TRPM1: variants seen among roughly 807,000 people sequenced by gnomAD.
TRPM1 encodes transient receptor potential cation channel subfamily M member 1, also known as TRPM1-203 APA Isoform, Intron 10.
Under a neutral mutation model 149.4 loss-of-function variants are expected in TRPM1, and 113 were observed. The ratio of observed to expected loss-of-function variants is 0.76; its 90% CI spans 0.65 to 0.88. TRPM1 has a LOEUF of 0.88. Among genes scored for constraint, TRPM1 ranks in the 40% least tolerant of loss-of-function variants. The pLI is 0.00. For synonymous variants in TRPM1, 741 were observed against 759.5 expected (o/e 0.98, Z 0.40); for missense variants, 1,976 against 2,038.7 (o/e 0.97, Z 0.59).
chr15:31,113,751 C>T (rs1250374446), intron 1 of TRPM1, among the ~76,000 whole-genome samples: 2 of 152,166 alleles, frequency 1.3e-5, no homozygotes, highest in African/African-American at 4.8e-5. Context: ...ATGAAGCATG[C>T]GGACCTTCCC....
intron 1 of TRPM1, among the ~76,000 whole-genome samples, chr15:31,149,797 G>T (rs909999757): frequency 6.6e-6 from 1 of 152,214 alleles, no homozygotes; most frequent in East Asian, 1.9e-4. Flanking sequence ...GGGATTACAG[G>T]CGTGAGCCAC....
intron 1 of TRPM1, among the ~76,000 whole-genome samples, chr15:31,125,044 G>A (rs757482024): frequency 1.4e-4 from 22 of 152,060 alleles, no homozygotes; most frequent in Non-Finnish European, 2.6e-4. Context: ...GTGTGGTGGC[G>A]CATGCCTGTA....
intron 22 of TRPM1, 73 bp from the exon 23 acceptor site, chr15:31,031,230 T>C: frequency 6.5e-7 from 1 of 1,540,714 alleles, no homozygotes; most frequent in South Asian, 1.1e-5. Flanking sequence ...ATTATATTGC[T>C]GTCTCCAATT....
Position 31,027,069 on chromosome 15 carries a change from G to C in TRPM1, c.3342C>G (p.Phe1114Leu), listed in dbSNP as rs758942153. 1 of 1,614,164 alleles carries C rather than the reference G, an allele frequency of 6.2e-7. No homozygotes were observed. ...VKSISNQVWK[F>L]QRYQLIMTFH... ...ATGTCATAATCAGCTGATATCGCTG[G>C]AACTTCCACACCTGGTTGGATATTG... is the stretch of plus-strand genomic sequence containing the variant. The change falls in exon 26 of 28, where the codon TTC becomes TTG. Residue 1114 changes from phenylalanine to leucine, a missense_variant. Coordinates refer to ENST00000256552, the MANE Select transcript of TRPM1 (RefSeq NM_001252024.2).
intron 1 of TRPM1, among the ~76,000 whole-genome samples, chr15:31,088,803 G>GGC (rs974269553): frequency 1.1e-4 from 14 of 129,126 alleles, no homozygotes; most frequent in Non-Finnish European, 1.7e-4. Context: ...TCTTTCTGCT[G>GGC]GGGGGATGCG....
Position 31,002,326 on chromosome 15 carries a change from C to G in TRPM1, c.4374G>C (p.Lys1458Asn). 2 of 1,614,216 alleles carry G rather than the reference C, an allele frequency of 1.2e-6. No individual in the cohort carries two copies. The highest frequency in any genetic ancestry group is 1.1e-5 in the South Asian group (1 of 91,088). ...DETINACKTM[K>N]SRSFVYSRGR... ...CCCGGGAATAGACGAAGCTTCTGGA[C>G]TTCATTGTTTTACAAGCATTGATCG... Residue 1458 changes from lysine to asparagine, a missense_variant, in exon 28 of 28, where the codon AAG becomes AAC. Around this residue, in one of 3 missense-constraint regions of TRPM1, gnomAD observed 572 missense variants for 578.9 expected, o/e 0.99. Coordinates refer to ENST00000256552, the MANE Select transcript of TRPM1 (RefSeq NM_001252024.2).
chr15:31,058,802 C>T (rs929421680), intron 11 of TRPM1, among the ~76,000 whole-genome samples: 1 of 152,198 alleles, frequency 6.6e-6, no homozygotes, highest in African/African-American at 2.4e-5. Context: ...TTAAGCAGGG[C>T]TGGGTGCAGT....
rs551831382 is a variant in TRPM1 at position 31,062,507 on chromosome 15, A to G, written c.1089+72T>C. On this transcript the variant is annotated intron_variant, in intron 9 of 27. Transcript: ENST00000256552. ...ATATGAATAACCCTGTCATGCACAC[A>G]TGGGCGGAATTAGAAAAGGAAACAT... 2.5e-6 allele frequency: 4 copies of G among 1,590,366 alleles called. No homozygotes were observed. The South Asian group carries it at 4.4e-5, about 18-fold the overall frequency.
chr15:31,124,183 G>A (rs1281079321), intron 1 of TRPM1, among the ~76,000 whole-genome samples: 1 of 151,994 alleles, frequency 6.6e-6, no homozygotes, highest in Non-Finnish European at 1.5e-5. Context: ...TACTTGGGAG[G>A]CTGAAGCAGG....
Position 31,049,502 on chromosome 15 carries a change from G to A in TRPM1, c.1445C>T (p.Ala482Val). The change falls in exon 13 of 28, where the codon GCT (alanine) becomes GTT (valine). Residue 482 changes from alanine to valine, a missense_variant. By Grantham distance (64) the Ala-to-Val change is moderately conservative. Around this residue, in one of 3 missense-constraint regions of TRPM1, gnomAD observed 1,332 missense variants for 1,347.1 expected, o/e 0.99. Coordinates refer to ENST00000256552, the MANE Select transcript of TRPM1 (RefSeq NM_001252024.2). Reference protein sequence around the residue: ...RKIELLNWVNALEQAMLDALV... With the variant: ...RKIELLNWVNVLEQAMLDALV... ...AGCATCTAGCATCGCTTGCTCCAAA[G>A]CATTCACCTGCAGGGACCAAGGGCC... 6.8e-6 allele frequency: 11 copies of A among 1,613,858 alleles called. No individual in the cohort carries two copies. The highest frequency in any genetic ancestry group is 9.3e-6 in the Non-Finnish European group (11 of 1,180,026).
chr15:31,141,687 G>A (rs1182503659), intron 1 of TRPM1, among the ~76,000 whole-genome samples: 2 of 152,132 alleles, frequency 1.3e-5, no homozygotes, highest in Admixed American at 1.3e-4. Context: ...TAGAATGATT[G>A]GTTATTGTAA....
At chr15:31,084,676 CTT>C (rs59470983) in intron 1 of TRPM1, among the ~76,000 whole-genome samples, 2,673 of 128,414 alleles carry the variant, frequency 0.021, 67 homozygotes, top group African/African-American at 0.075. Flanking sequence ...TTTTTCTTTT[CTT>C]TTTTTTTTTT....
At position 31,066,381 on chromosome 15, in the gene TRPM1, G is replaced by A. The variant is rs79341478; in HGVS notation, c.619-134C>T. ...TCACATCTCTACCCTGCCTTTTGAA[G>A]GTTTTATTTTTGCCAATTGTTACAT... On this transcript the variant is annotated intron_variant, in intron 6 of 27. Transcript: ENST00000256552. The A allele has an allele frequency of 0.016, 16,909 of 1,031,562 alleles. 201 individuals carry two copies. Among genetic ancestry groups the A allele is most frequent in the Middle Eastern group, 0.02 (88 of 4,474 alleles). 63.9% of individuals were successfully genotyped at this position (1,031,562 alleles called of 1,614,324 possible).
At chr15:31,010,834 G>A (rs1200046569) in intron 27 of TRPM1, among the ~76,000 whole-genome samples, 1 of 152,116 alleles carries the variant, frequency 6.6e-6, no homozygotes, top group Non-Finnish European at 1.5e-5. Flanking sequence ...ATGAACTTCT[G>A]TCTAGTTCTA....
chr15:31,148,222 A>G (rs984445179), intron 1 of TRPM1, among the ~76,000 whole-genome samples: 2 of 152,224 alleles, frequency 1.3e-5, no homozygotes, highest in African/African-American at 4.8e-5. Flanking sequence ...TTCTGAGTCA[A>G]AGATTCTCAA....
chr15:31,067,104 A>G lies in TRPM1; in HGVS notation c.577T>C (p.Trp193Arg). 1 of 1,614,150 alleles carries G rather than the reference A, an allele frequency of 6.2e-7. No homozygotes were observed. The highest frequency in any genetic ancestry group is 8.5e-7 in the Non-Finnish European group (1 of 1,180,030). The change falls in exon 6 of 28, where the codon TGG (tryptophan) becomes CGG (arginine). Residue 193 changes from tryptophan to arginine, a missense_variant. Coordinates refer to ENST00000256552, the MANE Select transcript of TRPM1 (RefSeq NM_001252024.2). ...TCTTCCTTATTCTCCACGATGCCCCATGGAGCAATTCCTATAGCACAAACC... is the reference window on the plus strand; with the variant it reads ...TCTTCCTTATTCTCCACGATGCCCCGTGGAGCAATTCCTATAGCACAAACC... The part of the protein sequence containing the change: ...GRVCAIGIAP[W>R]GIVENKEDLV...
intron 14 of TRPM1, among the ~76,000 whole-genome samples, 175 bp from the exon 15 acceptor site, chr15:31,047,426 C>G (rs2033808427): frequency 6.6e-6 from 1 of 152,140 alleles, no homozygotes; most frequent in Non-Finnish European, 1.5e-5. Flanking sequence ...CCCTTGATAA[C>G]AAGGTGGCAG....
chr15:31,079,978 C>T (rs576247142), intron 2 of TRPM1, among the ~76,000 whole-genome samples: 22 of 152,250 alleles, frequency 1.4e-4, no homozygotes, highest in South Asian at 6.2e-4. Context: ...AAGGGGCTCC[C>T]AGTGGCTTTC....
chr15:31,040,040 AGAAAGTGCT>A lies in TRPM1; in HGVS notation c.2316+69_2316+77del. Reference sequence around the variant, plus strand: ...AGAAGGAATAAATGAAATAAGCCACAGAAAGTGCTCAGTTCAGCCTGGCAGAGAGTCACT... The same window carrying A: ...AGAAGGAATAAATGAAATAAGCCACACAGTTCAGCCTGGCAGAGAGTCACT... On this transcript the variant is annotated intron_variant, in intron 18 of 27. Coordinates refer to ENST00000256552, the MANE Select transcript of TRPM1 (RefSeq NM_001252024.2). This position sits in a 1 kb window ranked among gnomAD's most constrained non-coding sequence, Gnocchi z 4.2. 7.7e-7 allele frequency: 1 copy of A among 1,292,202 alleles called. No individual in the cohort carries two copies. Among genetic ancestry groups the A allele is most frequent in the Non-Finnish European group, 1.1e-6 (1 of 891,284 alleles). 80.0% of individuals were successfully genotyped at this position (1,292,202 alleles called of 1,614,324 possible).
Sources: gnomAD v4.1 joint callset for allele counts (sites outside exome capture counted in the v4.1 genomes callset) on GRCh38, gnomAD v4.1.1 for gene constraint, gnomAD v4.1.1 regional missense constraint, Gnocchi (gnomAD v3.1) non-coding constraint, MANE v1.5 for transcripts, NCBI Gene and HGNC (gene_info 2026-07-23, HGNC 2026-07-21) for gene names.